PLPPR5: variants seen among roughly 807,000 people sequenced by gnomAD.
PLPPR5 encodes the protein phospholipid phosphatase-related protein type 5.
Under a neutral mutation model 33.9 loss-of-function variants are expected in PLPPR5, and 16 were observed. The observed-to-expected ratio is 0.47, with a 90% CI of 0.32 to 0.72. The LOEUF (loss-of-function observed/expected upper bound fraction) is 0.72, where lower values mean the gene tolerates loss of function less well. Ranked by LOEUF, PLPPR5 falls within the 30% of genes least tolerant of loss-of-function variation. The probability of loss-of-function intolerance (pLI) is 0.03; values close to 1 mark genes in which losing one functional copy is unlikely to be tolerated. For synonymous variants in PLPPR5, 163 were observed against 150.3 expected, an observed-to-expected ratio of 1.08 and a Z score of -0.62; for missense variants, 301 against 406.7, an observed-to-expected ratio of 0.74 and a Z score of 2.23.
At chr1:98,920,972 A>G (rs1201894731) in intron 4 of PLPPR5, among the ~76,000 whole-genome samples, 1 of 152,076 alleles carries the variant, frequency 6.6e-6, no homozygotes, top group Non-Finnish European at 1.5e-5. Flanking sequence ...ATATACTCAT[A>G]CTTATAAAAT....
At chr1:98,950,038 C>T (rs987225028) in intron 3 of PLPPR5, among the ~76,000 whole-genome samples, 3 of 152,148 alleles carry the variant, frequency 2.0e-5, no homozygotes, top group African/African-American at 7.2e-5. Flanking sequence ...TTACTGGATG[C>T]TGGTATTATG....
chr1:98,930,890 C>T (rs949779768), intron 3 of PLPPR5, among the ~76,000 whole-genome samples: 2 of 152,162 alleles, frequency 1.3e-5, no homozygotes, highest in Admixed American at 1.3e-4. Flanking sequence ...CCCCACCCAG[C>T]TTCCAACTCT....
chr1:98,960,082 C>A (rs1173867508), intron 1 of PLPPR5, among the ~76,000 whole-genome samples: 4 of 152,008 alleles, frequency 2.6e-5, no homozygotes, highest in Non-Finnish European at 5.9e-5. Context: ...AGTTCTGTTT[C>A]CCCCACAGCT....
chr1:98,977,266 T>G (rs1365788478), intron 1 of PLPPR5, among the ~76,000 whole-genome samples: 3 of 151,944 alleles, frequency 2.0e-5, no homozygotes, highest in Non-Finnish European at 2.9e-5. Flanking sequence ...TCCTAATATT[T>G]TTCATGTTCC....
chr1:98,956,826 A>C, intron 1 of PLPPR5, 85 bp from the exon 2 acceptor site: 1 of 1,073,214 alleles, frequency 9.3e-7, no homozygotes, highest in Non-Finnish European at 1.3e-6. Flanking sequence ...TGTAAAATGG[A>C]GCCCCTTTGA....
rs777879793 is a variant in PLPPR5 at position 98,890,598 on chromosome 1, T to C, written c.*2474A>G. 14 of 152,586 alleles carry C rather than the reference T, an allele frequency of 9.2e-5. No individual in the cohort carries two copies. Among genetic ancestry groups the C allele is most frequent in the Non-Finnish European group, 1.6e-4 (11 of 68,010 alleles). The allele number at this position is 152,586 out of a possible 1,614,324, so 9.5% of individuals were successfully genotyped here. On this transcript the variant is annotated 3_prime_UTR_variant, in exon 6 of 6. Transcript: ENST00000263177. ...TAAGTAGAATAAAAAGGAGATGTTTTTATCAGAAAGATATGTGTTTGCCTG... is the reference window on the plus strand; with the variant it reads ...TAAGTAGAATAAAAAGGAGATGTTTCTATCAGAAAGATATGTGTTTGCCTG...
intron 3 of PLPPR5, among the ~76,000 whole-genome samples, chr1:98,923,928 T>G (rs1234602745): frequency 2.6e-5 from 4 of 152,232 alleles, no homozygotes; most frequent in Admixed American, 2.6e-4. Context: ...GAGTAACTCC[T>G]TGTATGACGA....
chr1:98,980,308 T>C (rs914550957), intron 1 of PLPPR5, among the ~76,000 whole-genome samples: 1 of 152,086 alleles, frequency 6.6e-6, no homozygotes, highest in African/African-American at 2.4e-5. Flanking sequence ...TTATGTGTTT[T>C]CTCTTTCAAA....
At chr1:98,944,609 C>T (rs1650490348) in intron 3 of PLPPR5, among the ~76,000 whole-genome samples, 1 of 152,194 alleles carries the variant, frequency 6.6e-6, no homozygotes, top group South Asian at 2.1e-4. Context: ...AAATGAATTT[C>T]TTTTGTTTAT....
intron 3 of PLPPR5, among the ~76,000 whole-genome samples, chr1:98,929,335 T>C (rs1371262152): frequency 2.0e-5 from 3 of 152,252 alleles, no homozygotes; most frequent in Admixed American, 6.5e-5. Flanking sequence ...ATTAAAACTA[T>C]ACATGTGTTA....
intron 3 of PLPPR5, among the ~76,000 whole-genome samples, chr1:98,927,002 T>C (rs1458840164): frequency 1.3e-5 from 2 of 152,166 alleles, no homozygotes; most frequent in African/African-American, 2.4e-5. Flanking sequence ...TGTGATGCAA[T>C]GGTGGAAAGA....
At chr1:98,981,359 C>T (rs866096421) in intron 1 of PLPPR5, among the ~76,000 whole-genome samples, 8 of 152,188 alleles carry the variant, frequency 5.3e-5, no homozygotes, top group African/African-American at 1.9e-4. Flanking sequence ...TACACCTTCC[C>T]AGTCTAGGCA....
At position 99,004,574 on chromosome 1, in the gene PLPPR5, G is replaced by A; in HGVS notation, c.98C>T (p.Thr33Met). 6.2e-7 allele frequency: 1 copy of A among 1,613,022 alleles called. No homozygotes were observed. The highest frequency in any genetic ancestry group is 8.5e-7 in the Non-Finnish European group (1 of 1,179,820). ...TVMLAYYFEY[T>M]DTFTVNVQGF... ...CTGCACGTTCACGGTGAACGTGTCC[G>A]TATACTCGAAGTAGTACGCCAGCAT... The change falls in exon 1 of 6, where the codon ACG becomes ATG. Residue 33 changes from threonine (T) to methionine (M), a missense_variant. Physicochemically the swap from Thr to Met is moderately conservative, Grantham distance 81. Coordinates refer to ENST00000263177, the MANE Select transcript of PLPPR5 (RefSeq NM_001037317.2).
chr1:98,902,607 C>T (rs184586767), intron 5 of PLPPR5, among the ~76,000 whole-genome samples: 17 of 152,112 alleles, frequency 1.1e-4, no homozygotes, highest in Admixed American at 3.3e-4. Flanking sequence ...CACAGAACTG[C>T]GATCCTCTGA....
chr1:98,966,058 C>T (rs1651440833), intron 1 of PLPPR5, among the ~76,000 whole-genome samples: 1 of 152,150 alleles, frequency 6.6e-6, no homozygotes, highest in African/African-American at 2.4e-5. Flanking sequence ...CTGGAACTTG[C>T]TAATTTCCCT....
At chr1:98,920,592 CCA>C (rs1649511784) in intron 4 of PLPPR5, among the ~76,000 whole-genome samples, 1 of 13,658 alleles carries the variant, frequency 7.3e-5, no homozygotes. Context: ...AGTGGTATCA[CCA>C]AAAAAAAAAA....
At chr1:99,005,265 G>A (rs1051947398), upstream of PLPPR5, among the ~76,000 whole-genome samples, 1 of 152,158 alleles carries the variant, frequency 6.6e-6, no homozygotes, top group African/African-American at 2.4e-5. Flanking sequence ...CTGGGAAAAT[G>A]GTGCGTGGAC....
chr1:98,967,946 A>C (rs562289603), intron 1 of PLPPR5, among the ~76,000 whole-genome samples: 1 of 152,252 alleles, frequency 6.6e-6, no homozygotes, highest in African/African-American at 2.4e-5. Context: ...CCTGACACTA[A>C]TCTTTCACTG....
chr1:98,918,068 A>G (rs75951524), intron 4 of PLPPR5, among the ~76,000 whole-genome samples: 3,614 of 152,252 alleles, frequency 0.024, 140 homozygotes, highest in African/African-American at 0.082. Flanking sequence ...TCATCACTGC[A>G]TATATATTTT....
Sources: gnomAD v4.1 joint callset for allele counts (sites outside exome capture counted in the v4.1 genomes callset) on GRCh38, gnomAD v4.1.1 for gene constraint, MANE v1.5 for transcripts, NCBI Gene and HGNC (gene_info 2026-07-23, HGNC 2026-07-21) for gene names.